The following ARHGAP26 variants were observed in gnomAD, a reference collection of about 807,000 sequenced individuals.
The protein encoded by ARHGAP26 is rho GTPase-activating protein 26.
Under a neutral mutation model 104.8 loss-of-function variants are expected in ARHGAP26, and 38 were observed. The ratio of observed to expected loss-of-function variants is 0.36; its 90% CI spans 0.28 to 0.48. The LOEUF is 0.48. ARHGAP26 is among the 20% of genes least tolerant of loss of function. The pLI is 0.99. For missense variants in ARHGAP26, 704 were observed against 947.9 expected (o/e 0.74, Z 3.38); for synonymous variants, 341 against 340.0 (o/e 1.00, Z -0.03).
rs139639567 is a variant in ARHGAP26 at position 142,832,621 on chromosome 5, C to T, written c.155-40779C>T. On this transcript the variant is annotated intron_variant, in intron 1 of 22. Transcript: ENST00000645722. ...GCCTGGCACAGGACATCTAGGGAAG[C>T]GTGGCCCCCTGATGTTATGCAGTTT... is the stretch of plus-strand genomic sequence containing the variant. 4.8e-4 allele frequency among the ~76,000 whole-genome samples: 73 copies of T among 152,354 alleles called. 1 individual carries two copies. The highest frequency in any genetic ancestry group is 1.4e-3 in the African/African-American group (57 of 41,586).
intron 10 of ARHGAP26, among the ~76,000 whole-genome samples, chr5:142,930,546 C>A (rs1764557165): frequency 6.6e-6 from 1 of 152,118 alleles, no homozygotes; most frequent in Non-Finnish European, 1.5e-5. Flanking sequence ...CCACCATCAT[C>A]AACACGCCCA....
intron 14 of ARHGAP26, among the ~76,000 whole-genome samples, chr5:143,047,659 T>A (rs1784410238): frequency 6.6e-6 from 1 of 152,192 alleles, no homozygotes; most frequent in South Asian, 2.1e-4. Context: ...CATTTTTAAA[T>A]GTATCTTTTT....
intron 8 of ARHGAP26, among the ~76,000 whole-genome samples, chr5:142,904,089 C>G (rs1760754372): frequency 6.6e-6 from 1 of 152,094 alleles, no homozygotes; most frequent in Admixed American, 6.6e-5. Context: ...GACATTGTTT[C>G]AGCAAGGCCC....
chr5:143,149,222 C>T (rs569297608), intron 20 of ARHGAP26, among the ~76,000 whole-genome samples: 12 of 152,172 alleles, frequency 7.9e-5, no homozygotes, highest in Admixed American at 2.6e-4. Context: ...ATAACAGGAA[C>T]GGTTCTAATT....
intron 20 of ARHGAP26, among the ~76,000 whole-genome samples, chr5:143,190,817 A>G (rs1433266621): frequency 1.3e-5 from 2 of 152,234 alleles, no homozygotes; most frequent in East Asian, 3.8e-4. Context: ...ACTACTCAAT[A>G]AGAACATGGT....
At chr5:142,862,904 G>A (rs947762141) in intron 1 of ARHGAP26, among the ~76,000 whole-genome samples, 1 of 152,094 alleles carries the variant, frequency 6.6e-6, no homozygotes, top group Non-Finnish European at 1.5e-5. Flanking sequence ...AGTTGCTATG[G>A]TTATTTGCTG....
intron 17 of ARHGAP26, among the ~76,000 whole-genome samples, chr5:143,096,019 T>C (rs1792255170): frequency 6.6e-6 from 1 of 152,240 alleles, no homozygotes; most frequent in African/African-American, 2.4e-5. Flanking sequence ...ATTCAACAAG[T>C]GGTAATTTTT....
At chr5:142,782,045 A>C (rs1398349263) in intron 1 of ARHGAP26, among the ~76,000 whole-genome samples, 2 of 152,184 alleles carry the variant, frequency 1.3e-5, no homozygotes, top group African/African-American at 4.8e-5. Flanking sequence ...GTAGATGATC[A>C]GGTGTGGATG....
chr5:143,025,671 T>A (rs141627550), intron 12 of ARHGAP26, among the ~76,000 whole-genome samples: 274 of 152,312 alleles, frequency 1.8e-3, no homozygotes, highest in Non-Finnish European at 3.5e-3. Flanking sequence ...GATTTGGAAT[T>A]TTAAGGTGGA....
intron 1 of ARHGAP26, among the ~76,000 whole-genome samples, chr5:142,807,651 A>T (rs1462509824): frequency 6.6e-6 from 1 of 152,030 alleles, no homozygotes; most frequent in African/African-American, 2.4e-5. Flanking sequence ...CTTTTTGTTG[A>T]TACATTCCCA....
intron 1 of ARHGAP26, among the ~76,000 whole-genome samples, chr5:142,778,274 A>T (rs1409984881): frequency 6.6e-6 from 1 of 152,220 alleles, no homozygotes; most frequent in Non-Finnish European, 1.5e-5. Flanking sequence ...TGAATGAATG[A>T]CCTAATCTTA....
chr5:142,856,128 C>T lies in ARHGAP26; in HGVS notation c.155-17272C>T, dbSNP rs767928790. Reference sequence around the variant, plus strand: ...TGAGCACTGGGCTGTGGGTGGTGTACGAGACTGACCTGGTCCCTGTCTTCT... The same window carrying T: ...TGAGCACTGGGCTGTGGGTGGTGTATGAGACTGACCTGGTCCCTGTCTTCT... On this transcript the variant is annotated intron_variant, in intron 1 of 22. Transcript: ENST00000645722. Among the ~76,000 whole-genome samples the T allele has an allele frequency of 2.5e-4, 38 of 152,294 alleles. No homozygotes were observed. In the Middle Eastern group the frequency reaches 0.01, roughly 41 times the overall value.
intron 14 of ARHGAP26, among the ~76,000 whole-genome samples, chr5:143,052,551 T>C (rs1234750733): frequency 6.6e-6 from 1 of 152,174 alleles, no homozygotes; most frequent in Non-Finnish European, 1.5e-5. Context: ...ATTTTATTGC[T>C]CAGTGTCACC....
At chr5:142,784,665 G>A (rs555092560) in intron 1 of ARHGAP26, among the ~76,000 whole-genome samples, 14 of 152,238 alleles carry the variant, frequency 9.2e-5, no homozygotes, top group Admixed American at 9.1e-4. Flanking sequence ...CAGCATGGGG[G>A]TAGGCGATGG....
At chr5:142,874,719 G>A (rs898115957) in intron 2 of ARHGAP26, among the ~76,000 whole-genome samples, 2 of 152,162 alleles carry the variant, frequency 1.3e-5, no homozygotes, top group African/African-American at 4.8e-5. Flanking sequence ...CAAAGAAAAG[G>A]CTGGGTTCTG....
intron 20 of ARHGAP26, among the ~76,000 whole-genome samples, chr5:143,183,627 C>G (rs1343186217): frequency 6.6e-6 from 1 of 152,144 alleles, no homozygotes; most frequent in Non-Finnish European, 1.5e-5. Context: ...TGTGAGTTGC[C>G]AAGAAAGCAG....
intron 12 of ARHGAP26, among the ~76,000 whole-genome samples, chr5:143,036,112 G>A (rs987794637): frequency 6.6e-6 from 1 of 152,210 alleles, no homozygotes; most frequent in South Asian, 2.1e-4. Flanking sequence ...TTCAGGTTCT[G>A]CTCACTTCTC....
intron 17 of ARHGAP26, among the ~76,000 whole-genome samples, chr5:143,068,918 T>C (rs766357020): frequency 6.6e-6 from 1 of 152,206 alleles, no homozygotes; most frequent in Non-Finnish European, 1.5e-5. Flanking sequence ...CCTTAATTGC[T>C]CTGAAGGATT....
chr5:142,853,521 G>A (rs1561954210), intron 1 of ARHGAP26, among the ~76,000 whole-genome samples: 1 of 152,180 alleles, frequency 6.6e-6, no homozygotes, highest in Non-Finnish European at 1.5e-5. Flanking sequence ...GGGTTCTAGA[G>A]TCAGGCTTCT....
Sources: allele counts gnomAD v4.1 joint callset (sites outside exome capture counted in the v4.1 genomes callset), GRCh38; gene constraint gnomAD v4.1.1; transcripts MANE v1.5; gene names NCBI Gene and HGNC (gene_info 2026-07-23, HGNC 2026-07-21).